Variants in ANO8 observed in about 807,000 individuals in gnomAD.
ANO8 encodes anoctamin 8.
ANO8 carries 67 observed loss-of-function variants against 120.4 expected under a neutral mutation model. That is an observed-to-expected ratio of 0.56 (90% CI 0.46 to 0.68). The LOEUF (loss-of-function observed/expected upper bound fraction) is 0.68. Ranked by LOEUF, ANO8 falls within the 30% of genes least tolerant of loss-of-function variation. The pLI, the probability that ANO8 is intolerant of heterozygous loss-of-function variation, is 0.00. For missense variants in ANO8, 1,526 were observed against 1,737.6 expected, an observed-to-expected ratio of 0.88 and a Z score of 2.16; for synonymous variants, 727 against 759.2, an observed-to-expected ratio of 0.96 and a Z score of 0.70.
chr19:17,323,985 TA>T (rs1467711356), intron 17 of ANO8, 101 bp from the exon 18 acceptor site: 1 of 1,027,926 alleles, frequency 9.7e-7, no homozygotes, highest in Non-Finnish European at 1.2e-6. Flanking sequence ...TCCAGGCACA[TA>T]AAGGCCTTAT....
intron 12 of ANO8, 97 bp from the exon 13 acceptor site, chr19:17,329,080 G>T: frequency 1.0e-6 from 1 of 987,358 alleles, no homozygotes; most frequent in Non-Finnish European, 1.4e-6. Flanking sequence ...CCGGAGCACC[G>T]TGCCCAGACA....
At position 17,329,750 on chromosome 19, in the gene ANO8, G is replaced by T. The variant is rs1235685442; in HGVS notation, c.1404+7C>A. 1 of 1,609,756 alleles carries T rather than the reference G, an allele frequency of 6.2e-7. No homozygotes were observed. The highest frequency in any genetic ancestry group is 8.5e-7 in the Non-Finnish European group (1 of 1,178,432). ...AGGGGGGACTGCCGCTGGGGCGGGG[G>T]TCTCACCTCTTTCAAGCGCTCCATG... On this transcript the variant is annotated splice_region_variant and intron_variant, in intron 12 of 17. Transcript: ENST00000159087.
rs2074252514 is a variant in ANO8 at position 17,323,617 on chromosome 19, G to A, written c.3599C>T (p.Pro1200Leu). 1 of 1,234,836 alleles carries A rather than the reference G, an allele frequency of 8.1e-7. No individual in the cohort carries two copies. The highest frequency in any genetic ancestry group is 1.5e-5 in the African/African-American group (1 of 64,884). 76.5% of individuals were successfully genotyped at this position (1,234,836 alleles called of 1,614,324 possible). ...GDASFYSLPP[P>L]PLPPTSDPLE... ...GGGATCCGAGGTGGGCGGTAGCGGT[G>A]GGGGCGGGAGGCTGTAAAAGCTGGC... The change falls in exon 18 of 18, where the codon CCA becomes CTA. Residue 1200 changes from proline (P) to leucine (L), a missense_variant. Pro to Leu is a moderately conservative substitution (Grantham distance 98). Around this residue, in one of 8 missense-constraint regions of ANO8, gnomAD observed 489 missense variants for 548.6 expected, o/e 0.89. Transcript: ENST00000159087.
In ANO8 at chr19:17,330,366, A is replaced by G; in HGVS notation, c.1132T>C (p.Cys378Arg). 6.3e-7 allele frequency: 1 copy of G among 1,599,052 alleles called. No homozygotes were observed. Residue 378 changes from cysteine to arginine, a missense_variant, in exon 9 of 18, where the codon TGC becomes CGC. Physicochemically the swap from Cys to Arg is radical, Grantham distance 180. Around this residue, in one of 8 missense-constraint regions of ANO8, gnomAD observed 91 missense variants for 85.3 expected, o/e 1.07. Transcript: ENST00000159087. ...LVCVFLLMLG[C>R]FQLQELVLSV... ...TGGGGGGTCACCTGCAGCTGGAAGC[A>G]GCCAAGCATGAGCAAGAAGACACAG...
rs145082727 is a variant in ANO8 at position 17,331,353 on chromosome 19, A to C, written c.645T>G (p.Arg215=). 1.5e-5 allele frequency: 24 copies of C among 1,614,076 alleles called. No individual in the cohort carries two copies. The African/African-American group carries it at 3.2e-4, about 22-fold the overall frequency. Residue 215 remains arginine (R), a synonymous_variant, in exon 6 of 18, where the codon CGT becomes CGG. Transcript: ENST00000159087. ...ATGACTTCATGAGGCGGTTCAGAAT[A>C]CGCTGCTCGTGGACAGGGAACACCT... ...IQQVFPVHEQ[R]ILNRLMKSWV...
rs2074249747 is a variant in ANO8, at chr19:17,323,309, TTCTGTG to T, written c.*202_*207del. 1.5e-5 allele frequency: 3 copies of T among 205,600 alleles called. No individual in the cohort carries two copies. Among genetic ancestry groups the T allele is most frequent in the Non-Finnish European group, 2.7e-5 (3 of 112,598 alleles). 12.7% of individuals were successfully genotyped at this position (205,600 alleles called of 1,614,324 possible). On this transcript the variant is annotated 3_prime_UTR_variant, in exon 18 of 18. Coordinates refer to ENST00000159087, the MANE Select transcript of ANO8 (RefSeq NM_020959.3). ...TTAAAAACAAATAAATAATCGCCTG[TTCTGTG>T]TGTGTGTGTGTGTGTGTGTGTGTGT...
chr19:17,323,969 C>T (rs1263268343), intron 17 of ANO8, 85 bp from the exon 18 acceptor site: 2 of 1,045,970 alleles, frequency 1.9e-6, no homozygotes, highest in Non-Finnish European at 2.3e-6. Context: ...CGCTCCCTCC[C>T]GGGCATCCAG....
At chr19:17,330,618 C>T in intron 8 of ANO8, 114 bp from the exon 9 acceptor site, 2 of 1,394,822 alleles carry the variant, frequency 1.4e-6, no homozygotes, top group Non-Finnish European at 1.9e-6. Context: ...AGGTGACCCT[C>T]TCAGGTCACC....
At position 17,327,767 on chromosome 19, in the gene ANO8, G is replaced by T; in HGVS notation, c.2340C>A (p.Ile780=). ...TGCACAGCTTGAAGGCGTCGCTGCG[G>T]ATCTCAATGAGGTTGTTGACCAGGG... ...LCALVNNLIE[I]RSDAFKLCTG... is the part of the protein sequence containing the mutation. The change falls in exon 14 of 18, where the codon ATC becomes ATA. Residue 780 remains isoleucine, a synonymous_variant. Transcript: ENST00000159087. 1 of 1,614,176 alleles carries T rather than the reference G, an allele frequency of 6.2e-7. No homozygotes were observed. The highest frequency in any genetic ancestry group is 1.1e-5 in the South Asian group (1 of 91,092).
rs756478856 is a variant in ANO8 at position 17,330,113 on chromosome 19, G to A, written c.1273+12C>T. 3.7e-6 allele frequency: 6 copies of A among 1,613,980 alleles called. No homozygotes were observed. Among genetic ancestry groups the A allele is most frequent in the Non-Finnish European group, 5.1e-6 (6 of 1,179,990 alleles). ...GAGACCTTCCTCCCAGAGACCCCCT[G>A]GCAGGTCGTACCCATGTCATTGAGC... is the stretch of plus-strand genomic sequence containing the variant. On this transcript the variant is annotated intron_variant, in intron 10 of 17. Transcript: ENST00000159087.
intron 11 of ANO8, 26 bp downstream of exon 11, chr19:17,329,933 C>T (rs369858158): frequency 9.9e-6 from 16 of 1,614,012 alleles, no homozygotes; most frequent in Non-Finnish European, 1.4e-5. Flanking sequence ...CGTTGTCCCC[C>T]TGCCTGTCCG....
At position 17,330,902 on chromosome 19, in the gene ANO8, C is replaced by T. The variant is rs1374447962; in HGVS notation, c.919G>A (p.Ala307Thr). 6.2e-7 allele frequency: 1 copy of T among 1,614,078 alleles called. No homozygotes were observed. Among genetic ancestry groups the T allele is most frequent in the East Asian group, 2.2e-5 (1 of 44,892 alleles). The change falls in exon 8 of 18, where the codon GCT becomes ACT. Residue 307 changes from alanine to threonine, a missense_variant. Physicochemically the swap from Ala to Thr is moderately conservative, Grantham distance 58 (BLOSUM62 0). Transcript: ENST00000159087. ...GTCCCCCACTTATATGCCAGCTCAG[C>T]CCCTCTCCGCTTCCATTCCTCTAGG... ...LFLEEWKRRG[A>T]ELAYKWGTLD...
Position 17,334,659 on chromosome 19 carries a change from G to C in ANO8, c.12C>G (p.Ala4=). 1 of 1,472,654 alleles carries C rather than the reference G, an allele frequency of 6.8e-7. No individual in the cohort carries two copies. Among genetic ancestry groups the C allele is most frequent in the East Asian group, 2.9e-5 (1 of 35,042 alleles). The allele number at this position is 1,472,654 out of a possible 1,614,324, so 91.2% of individuals were successfully genotyped here. ...GGGACGTGCCCCCGGCGCCGGAGGC[G>C]GCCTCGGCCATGGCGAGGACAGGTC... MAE[A]ASGAGGTSLE... Residue 4 remains alanine, a synonymous_variant, in exon 1 of 18, where the codon GCC becomes GCG. Transcript: ENST00000159087.
chr19:17,328,754 C>T lies in ANO8; in HGVS notation c.1634G>A (p.Cys545Tyr). The T allele has an allele frequency of 7.5e-7, 1 of 1,329,088 alleles. No individual in the cohort carries two copies. The highest frequency in any genetic ancestry group is 9.6e-7 in the Non-Finnish European group (1 of 1,045,956). 82.3% of individuals were successfully genotyped at this position (1,329,088 alleles called of 1,614,324 possible). A position where few individuals can be genotyped will look rare whatever the true frequency, so the allele number is the denominator to read the frequency against. Residue 545 changes from cysteine to tyrosine, a missense_variant, in exon 13 of 18, where the codon TGC becomes TAC. Cys to Tyr is a radical substitution (Grantham distance 194, BLOSUM62 -2). Coordinates refer to ENST00000159087, the MANE Select transcript of ANO8 (RefSeq NM_020959.3). ...GGGSGGGGRR[C>Y]LSGGCGAPEE... ...CGGCGCCCCGCAGCCCCCGCTGAGG[C>T]ACCTGCGGCCCCCGCCCCCGCTGCC... is the stretch of plus-strand genomic sequence containing the variant.
In ANO8 at chr19:17,331,391, C is replaced by T. The variant is rs768922606; in HGVS notation, c.607G>A (p.Gly203Arg). 9.9e-6 allele frequency: 16 copies of T among 1,613,702 alleles called. No individual in the cohort carries two copies. Among genetic ancestry groups the T allele is most frequent in the Non-Finnish European group, 1.4e-5 (16 of 1,179,988 alleles). Residue 203 changes from glycine to arginine, a missense_variant, in exon 6 of 18, where the codon GGG (glycine) becomes AGG (arginine). Transcript: ENST00000159087. ...QPIIPELAARGIIQQVFPVHE... is the reference protein window; with the variant it reads ...QPIIPELAARRIIQQVFPVHE... ...ACAGGGAACACCTGCTGGATGATCC[C>T]ACGTGCTGCCAGCTCCGGGACTGTG...
chr19:17,329,875 G>C (rs1029530522), intron 11 of ANO8, 44 bp from the exon 12 acceptor site: 19 of 1,613,130 alleles, frequency 1.2e-5, no homozygotes, highest in Non-Finnish European at 1.6e-5. Context: ...ACCCCCACCC[G>C]ACTCCTTGGA....
intron 10 of ANO8, 47 bp downstream of exon 10, chr19:17,330,078 A>AG (rs772203374): frequency 8.6e-5 from 138 of 1,613,660 alleles, no homozygotes; most frequent in Middle Eastern, 8.2e-4. Flanking sequence ...AGGGATCCCA[A>AG]GGGGCAGTGG....
chr19:17,324,996 C>G lies in ANO8; in HGVS notation c.3052G>C (p.Asp1018His). 6.2e-7 allele frequency: 1 copy of G among 1,612,798 alleles called. No homozygotes were observed. Among genetic ancestry groups the G allele is most frequent in the Non-Finnish European group, 8.5e-7 (1 of 1,179,880 alleles). ...CTGAGGAAGGCAGGCAGGCGGGTGT[C>G]GCTGCCTGTGGGTGACTGGGCAGGG... ...PPPAQSPTGSDTRLPAFLSFK... is the reference protein window; with the variant it reads ...PPPAQSPTGSHTRLPAFLSFK... Residue 1018 changes from aspartate (D) to histidine (H), a missense_variant, in exon 17 of 18, where the codon GAC becomes CAC. Physicochemically the swap from Asp to His is moderately conservative, Grantham distance 81. Coordinates refer to ENST00000159087, the MANE Select transcript of ANO8 (RefSeq NM_020959.3).
chr19:17,323,881 G>C lies in ANO8; in HGVS notation c.3335C>G (p.Thr1112Arg), dbSNP rs2074255584. 47 of 1,120,020 alleles carry C rather than the reference G, an allele frequency of 4.2e-5. No homozygotes were observed. The highest frequency in any genetic ancestry group is 4.8e-5 in the Non-Finnish European group (44 of 916,090). The allele number at this position is 1,120,020 out of a possible 1,614,324, so 69.4% of individuals were successfully genotyped here. ...APRPEEEGSGTALAPVGAPAL... is the reference protein window; with the variant it reads ...APRPEEEGSGRALAPVGAPAL... ...AGGGGCGCCCACGGGGGCCAGCGCT[G>C]TCCCTGCGGAGGCGAGAGGGGCCGT... Residue 1112 changes from threonine (T) to arginine (R), a missense_variant, in exon 18 of 18, where the codon ACA (threonine) becomes AGA (arginine). Around this residue, in one of 8 missense-constraint regions of ANO8, gnomAD observed 489 missense variants for 548.6 expected, o/e 0.89. Coordinates refer to ENST00000159087, the MANE Select transcript of ANO8 (RefSeq NM_020959.3).
Sources: gnomAD v4.1 joint callset for allele counts on GRCh38, gnomAD v4.1.1 for gene constraint, gnomAD v4.1.1 regional missense constraint, MANE v1.5 for transcripts, NCBI Gene and HGNC (gene_info 2026-07-23, HGNC 2026-07-21) for gene names.